NAALAD2: variants seen among roughly 807,000 people sequenced by gnomAD.
NAALAD2 encodes the protein N-acetylated alpha-linked acidic dipeptidase 2, also known as N-acetylated-alpha-linked acidic dipeptidase 2.
NAALAD2 carries 89 observed loss-of-function variants against 95.6 expected under a neutral mutation model. The ratio of observed to expected loss-of-function variants is 0.93; its 90% CI spans 0.78 to 1.11. NAALAD2 has a LOEUF of 1.11. Among genes scored for constraint, NAALAD2 ranks in the 50% least tolerant of loss-of-function variants. NAALAD2 has a pLI of 0.00. For synonymous variants in NAALAD2, 264 were observed against 294.4 expected, an observed-to-expected ratio of 0.90 and a Z score of 1.06; for missense variants, 894 against 872.4, an observed-to-expected ratio of 1.02 and a Z score of -0.31.
chr11:90,157,734 T>TA (rs1172658474), intron 6 of NAALAD2, among the ~76,000 whole-genome samples: 3 of 151,886 alleles, frequency 2.0e-5, no homozygotes, highest in Non-Finnish European at 1.5e-5. Context: ...GGAACTTTTT[T>TA]TTTTTCAGAC....
At chr11:90,170,232 G>A (rs2134948565) in intron 13 of NAALAD2, 96 bp downstream of exon 13, 3 of 816,080 alleles carry the variant, frequency 3.7e-6, no homozygotes, top group East Asian at 2.5e-5. Context: ...TTTTTAAGCT[G>A]GTGAGAGAAC....
intron 15 of NAALAD2, among the ~76,000 whole-genome samples, chr11:90,176,822 T>C (rs1265509501): frequency 6.6e-6 from 1 of 152,152 alleles, no homozygotes; most frequent in African/African-American, 2.4e-5. Context: ...CTGTTCAGAA[T>C]ACAACAAAGA....
At chr11:90,185,626 C>A (rs1170363317) in intron 18 of NAALAD2, among the ~76,000 whole-genome samples, 1 of 152,080 alleles carries the variant, frequency 6.6e-6, no homozygotes, top group Non-Finnish European at 1.5e-5. Context: ...TATGATCATG[C>A]CATTGCACTC....
chr11:90,155,610 CATATAAATTACATATATATTAATAT>C (rs1565523327), intron 6 of NAALAD2, among the ~76,000 whole-genome samples: 2 of 93,128 alleles, frequency 2.1e-5, no homozygotes, highest in African/African-American at 9.0e-5. Context: ...ATATATATTA[CATATAAATTACATATATATTAATAT>C]ATATATAATT....
At chr11:90,149,854 G>A (rs1590969515) in intron 4 of NAALAD2, among the ~76,000 whole-genome samples, 1 of 152,098 alleles carries the variant, frequency 6.6e-6, no homozygotes, top group African/African-American at 2.4e-5. Context: ...TGCAATGGTT[G>A]GAAATTAAAT....
At chr11:90,132,203 G>A (rs1450001404), upstream of NAALAD2, 1 of 152,510 alleles carries the variant, frequency 6.6e-6, no homozygotes, top group African/African-American at 2.4e-5. Flanking sequence ...TCATATTTGA[G>A]GTAACATTGC....
intron 16 of NAALAD2, among the ~76,000 whole-genome samples, chr11:90,178,394 G>C (rs568156186): frequency 2.6e-5 from 4 of 152,164 alleles, no homozygotes; most frequent in African/African-American, 9.7e-5. Flanking sequence ...TTTACTGGCT[G>C]GGTGCGGTGG....
At chr11:90,167,051 G>A (rs1195473720) in intron 11 of NAALAD2, among the ~76,000 whole-genome samples, 16 of 152,188 alleles carry the variant, frequency 1.1e-4, no homozygotes, top group Admixed American at 5.2e-4. Context: ...GCCCTCGCTC[G>A]CTCTCGGCGC....
At chr11:90,138,294 G>A (rs2134821530) in intron 2 of NAALAD2, among the ~76,000 whole-genome samples, 1 of 152,214 alleles carries the variant, frequency 6.6e-6, no homozygotes, top group Non-Finnish European at 1.5e-5. Flanking sequence ...AGGAGGAAGA[G>A]GAGGGGTTGG....
chr11:90,152,879 A>C (rs1174904299), intron 6 of NAALAD2, among the ~76,000 whole-genome samples: 1 of 114,802 alleles, frequency 8.7e-6, no homozygotes, highest in Non-Finnish European at 1.8e-5. Flanking sequence ...ACATTTTTTA[A>C]AAAAATGAGT....
At chr11:90,180,072 TGAA>T (rs1952915481) in intron 16 of NAALAD2, among the ~76,000 whole-genome samples, 6 of 151,918 alleles carry the variant, frequency 3.9e-5, no homozygotes, top group African/African-American at 1.5e-4. Context: ...AATTGATGAA[TGAA>T]TGAATGAATG....
intron 11 of NAALAD2, among the ~76,000 whole-genome samples, chr11:90,166,979 G>T (rs1265839238): frequency 6.6e-6 from 1 of 152,206 alleles, no homozygotes; most frequent in Non-Finnish European, 1.5e-5. Context: ...GTGAAACCCC[G>T]TGTCTATTAA....
intron 18 of NAALAD2, among the ~76,000 whole-genome samples, chr11:90,184,530 C>T (rs976794639): frequency 6.6e-6 from 1 of 152,030 alleles, no homozygotes; most frequent in Non-Finnish European, 1.5e-5. Flanking sequence ...AGCCGAAAGC[C>T]GTATCTACAG....
In NAALAD2 at chr11:90,147,094, T is replaced by G. The variant is rs76799885; in HGVS notation, c.195-236T>G. Among the ~76,000 whole-genome samples the G allele has an allele frequency of 1.1e-4, 16 of 152,320 alleles. No individual in the cohort carries two copies. In the East Asian group the frequency reaches 3.1e-3, roughly 29 times the overall value. On this transcript the variant is annotated intron_variant, in intron 2 of 18. Transcript: ENST00000534061. ...CATATCTGAGCCTTTGCTGATTGTATCTACCATGAAATGTGTTCTTTTCTG... is the reference window on the plus strand; with the variant it reads ...CATATCTGAGCCTTTGCTGATTGTAGCTACCATGAAATGTGTTCTTTTCTG...
rs555813407 is a variant in NAALAD2 at position 90,187,334 on chromosome 11, GTTACT to G, written c.2034-4223_2034-4219del. ...TAAACACATTTTTAAATTTGATTAG[GTTACT>G]ACCAAACTGTCCTCCAAAGACTACC... On this transcript the variant is annotated intron_variant, in intron 18 of 18. Coordinates refer to ENST00000534061, the MANE Select transcript of NAALAD2 (RefSeq NM_005467.4). 2.7e-3 allele frequency among the ~76,000 whole-genome samples: 417 copies of G among 152,084 alleles called. 3 individuals are homozygous for G. The highest frequency in any genetic ancestry group is 9.3e-3 in the Admixed American group (142 of 15,268).
chr11:90,153,947 T>C (rs182750897), intron 6 of NAALAD2, among the ~76,000 whole-genome samples: 1 of 152,044 alleles, frequency 6.6e-6, no homozygotes, highest in East Asian at 1.9e-4. Flanking sequence ...GTAGCTTCTA[T>C]CAGCATTTTT....
At chr11:90,152,895 T>C (rs1951927692) in intron 6 of NAALAD2, among the ~76,000 whole-genome samples, 1 of 151,944 alleles carries the variant, frequency 6.6e-6, no homozygotes, top group Admixed American at 6.6e-5. Context: ...TGAGTTTTTG[T>C]GTTATTTAAA....
chr11:90,171,291 A>G (rs976582985), intron 13 of NAALAD2, among the ~76,000 whole-genome samples: 1 of 152,140 alleles, frequency 6.6e-6, no homozygotes, highest in South Asian at 2.1e-4. Flanking sequence ...TACTATTAAT[A>G]TTTCCTCCCT....
intron 7 of NAALAD2, chr11:90,158,440 G>A (rs76586714): frequency 5.3e-4 from 251 of 477,418 alleles, no homozygotes; most frequent in African/African-American, 4.3e-3. Context: ...ATAAAATATC[G>A]CTCTGTTCGC....
Sources: allele counts gnomAD v4.1 joint callset (sites outside exome capture counted in the v4.1 genomes callset), GRCh38; gene constraint gnomAD v4.1.1; transcripts MANE v1.5; gene names NCBI Gene and HGNC (gene_info 2026-07-23, HGNC 2026-07-21).